The following RAI1 variants were observed in gnomAD, a reference collection of about 807,000 sequenced individuals.
RAI1 encodes the protein retinoic acid induced 1.
In RAI1, 9 loss-of-function variants were observed where a neutral mutation model predicts 123.8. The ratio of observed to expected loss-of-function variants is 0.07; its 90% CI spans 0.04 to 0.13. RAI1 has a LOEUF of 0.13. Ranked by LOEUF, RAI1 falls within the 10% of genes least tolerant of loss-of-function variation. RAI1 has a pLI of 1.00. For missense variants in RAI1, 2,256 were observed against 2,545.8 expected, an observed-to-expected ratio of 0.89 and a Z score of 2.45; for synonymous variants, 1,231 against 1,127.3, an observed-to-expected ratio of 1.09 and a Z score of -1.84.
rs1376924383 is a variant in RAI1 at position 17,810,647 on chromosome 17, C to T, written c.*666C>T. The T allele has an allele frequency of 5.8e-6, 2 of 343,932 alleles. No homozygotes were observed. Among genetic ancestry groups the T allele is most frequent in the East Asian group, 8.9e-5 (1 of 11,208 alleles). The allele number at this position is 343,932 out of a possible 1,614,324, so 21.3% of individuals were successfully genotyped here. ...CGGTTCGGGCAAAGCCGGGGTAGAC[C>T]TGGGCTATGCTCAGTTAGGGGTTGC... On this transcript the variant is annotated 3_prime_UTR_variant, in exon 6 of 6. Coordinates refer to ENST00000353383, the MANE Select transcript of RAI1 (RefSeq NM_030665.4). This position sits in a 1 kb window ranked among gnomAD's most constrained non-coding sequence, Gnocchi z 4.6.
intron 2 of RAI1, among the ~76,000 whole-genome samples, chr17:17,725,753 A>G (rs1916067995): frequency 6.6e-6 from 1 of 152,066 alleles, no homozygotes; most frequent in South Asian, 2.1e-4. Context: ...TTCCTGGGGT[A>G]GAGAGCCAGG....
chr17:17,753,762 C>T (rs1472098019), intron 2 of RAI1, among the ~76,000 whole-genome samples: 3 of 152,204 alleles, frequency 2.0e-5, no homozygotes, highest in Admixed American at 6.5e-5. Context: ...AATGGAATGA[C>T]AGATATCTGT....
At chr17:17,706,375 C>T (rs1915395544) in intron 1 of RAI1, among the ~76,000 whole-genome samples, 1 of 152,182 alleles carries the variant, frequency 6.6e-6, no homozygotes, top group Non-Finnish European at 1.5e-5. Flanking sequence ...CAGTGCTCTG[C>T]ACTGAATGAT....
chr17:17,787,470 T>C (rs956262648), intron 2 of RAI1, among the ~76,000 whole-genome samples: 2 of 152,078 alleles, frequency 1.3e-5, no homozygotes, highest in Admixed American at 6.5e-5. Flanking sequence ...AAAAAAAAAA[T>C]TATTGTCCAC....
rs1915650768 is a variant in RAI1, at chr17:17,714,338, C to G, written c.-148-9690C>G. Among the ~76,000 whole-genome samples the G allele has an allele frequency of 1.3e-5, 2 of 152,160 alleles. No individual in the cohort carries two copies. Among genetic ancestry groups the G allele is most frequent in the South Asian group, 2.1e-4 (1 of 4,800 alleles). On this transcript the variant is annotated intron_variant, in intron 1 of 5. Transcript: ENST00000353383. The surrounding 1 kb of genome is among the most constrained non-coding windows in gnomAD (Gnocchi z 4.9). ...GTCGGTGGTCATTCAGCTCTCGGGA[C>G]AAAGCGTGGGTGGGCCTGTGCCCTG...
At chr17:17,791,124 C>A (rs543280393) in intron 2 of RAI1, among the ~76,000 whole-genome samples, 1 of 152,112 alleles carries the variant, frequency 6.6e-6, no homozygotes, top group Non-Finnish European at 1.5e-5. Flanking sequence ...GGGCTCGCCT[C>A]GTGGGAAAGT....
intron 1 of RAI1, among the ~76,000 whole-genome samples, chr17:17,723,363 A>T (rs1807211486): frequency 7.8e-6 from 1 of 128,176 alleles, no homozygotes; most frequent in Non-Finnish European, 1.6e-5. Context: ...GCCCCGTGAC[A>T]TTCACTCGTA....
intron 2 of RAI1, among the ~76,000 whole-genome samples, chr17:17,790,325 G>A (rs147121279): frequency 6.6e-6 from 1 of 152,208 alleles, no homozygotes; most frequent in Non-Finnish European, 1.5e-5. Context: ...CCAGGGTGGT[G>A]TTGGGGCGAG....
intron 2 of RAI1, among the ~76,000 whole-genome samples, chr17:17,738,796 C>A (rs895071368): frequency 6.6e-6 from 1 of 152,198 alleles, no homozygotes; most frequent in African/African-American, 2.4e-5. Context: ...TGTCAGTCTT[C>A]TCCATCTGGG....
rs2032127520 is a variant in RAI1, at chr17:17,793,938, C to G, written c.990C>G (p.Thr330=). 6.2e-7 allele frequency: 1 copy of G among 1,613,930 alleles called. No individual in the cohort carries two copies. The highest frequency in any genetic ancestry group is 1.3e-5 in the African/African-American group (1 of 75,040). The change falls in exon 3 of 6, where the codon ACC becomes ACG. Residue 330 remains threonine (T), a synonymous_variant. Coordinates refer to ENST00000353383, the MANE Select transcript of RAI1 (RefSeq NM_030665.4). ...GYCQPDAAVR[T]PEQYYQTFSP... is the part of the protein sequence containing the mutation. Reference sequence around the variant, plus strand: ...GCCAGCCGGACGCAGCCGTCCGGACCCCAGAGCAGTACTACCAGACCTTCA... The same window carrying G: ...GCCAGCCGGACGCAGCCGTCCGGACGCCAGAGCAGTACTACCAGACCTTCA...
chr17:17,795,031 G>T lies in RAI1; in HGVS notation c.2083G>T (p.Ala695Ser), dbSNP rs201917434. ...GTTTGAAGACCCTTCCGTGGCCTTCGCTACGCCTGACCCCAAAAAGACAAC... is the reference window on the plus strand; with the variant it reads ...GTTTGAAGACCCTTCCGTGGCCTTCTCTACGCCTGACCCCAAAAAGACAAC... ...GLFEDPSVAF[A>S]TPDPKKTTGP... Residue 695 changes from alanine (A) to serine (S), a missense_variant, in exon 3 of 6, where the codon GCT becomes TCT. Transcript: ENST00000353383. This position sits in a 1 kb window ranked among gnomAD's most constrained non-coding sequence, Gnocchi z 5.9. 1 of 1,613,992 alleles carries T rather than the reference G, an allele frequency of 6.2e-7. No individual in the cohort carries two copies. Among genetic ancestry groups the T allele is most frequent in the African/African-American group, 1.3e-5 (1 of 74,924 alleles).
chr17:17,783,582 C>T (rs1450753540), intron 2 of RAI1, among the ~76,000 whole-genome samples: 2 of 152,192 alleles, frequency 1.3e-5, no homozygotes, highest in Non-Finnish European at 2.9e-5. Context: ...CTGCGCTGCT[C>T]CCCGTCCCCC....
chr17:17,734,761 GACAC>G (rs988939557), intron 2 of RAI1, among the ~76,000 whole-genome samples: 3 of 152,156 alleles, frequency 2.0e-5, no homozygotes, highest in South Asian at 2.1e-4. Flanking sequence ...GAGCTCCTTG[GACAC>G]ACACAGGGGC....
At chr17:17,790,071 C>A (rs1007331396) in intron 2 of RAI1, among the ~76,000 whole-genome samples, 1 of 152,200 alleles carries the variant, frequency 6.6e-6, no homozygotes, top group Non-Finnish European at 1.5e-5. Flanking sequence ...TCTCCTGAGG[C>A]CTGCCCAGCC....
chr17:17,802,251 C>T (rs1482068757), intron 3 of RAI1: 2 of 455,414 alleles, frequency 4.4e-6, no homozygotes, highest in Admixed American at 2.4e-5. Context: ...TGAAGTCAGC[C>T]ATCTCAAGGG....
intron 1 of RAI1, among the ~76,000 whole-genome samples, chr17:17,705,223 G>A (rs1915356270): frequency 6.6e-6 from 1 of 152,186 alleles, no homozygotes; most frequent in Non-Finnish European, 1.5e-5. Flanking sequence ...CCATGGAGGA[G>A]ACCCGTCAAA....
rs1024658300 is a variant in RAI1 at position 17,797,636 on chromosome 17, A to G, written c.4688A>G (p.Gln1563Arg). 6.2e-7 allele frequency: 1 copy of G among 1,613,796 alleles called. No individual in the cohort carries two copies. The highest frequency in any genetic ancestry group is 8.5e-7 in the Non-Finnish European group (1 of 1,180,034). The stretch of plus-strand genomic sequence containing the variant: ...GGGCGTGCCAAGCGACGACGACAGC[A>G]GCAGGTGCTGCCCCTGGATCCCGCA... ...CKGRAKRRRQQQVLPLDPAEP... is the reference protein window; with the variant it reads ...CKGRAKRRRQRQVLPLDPAEP... Residue 1563 changes from glutamine to arginine, a missense_variant, in exon 3 of 6, where the codon CAG (glutamine) becomes CGG (arginine). This residue lies in a region of RAI1 where 410 missense variants were observed against 374.6 expected (regional missense o/e 1.09). Transcript: ENST00000353383.
chr17:17,728,390 C>T (rs928312142), intron 2 of RAI1, among the ~76,000 whole-genome samples: 2 of 152,128 alleles, frequency 1.3e-5, no homozygotes, highest in African/African-American at 4.8e-5. Context: ...ATGATCCGCA[C>T]GTTAATTAAA....
chr17:17,760,424 G>A (rs540351433), intron 2 of RAI1, among the ~76,000 whole-genome samples: 1 of 152,238 alleles, frequency 6.6e-6, no homozygotes, highest in Admixed American at 6.5e-5. Context: ...CACCCAGACT[G>A]TACCCAGAAG....
Sources: gnomAD v4.1 joint callset for allele counts (sites outside exome capture counted in the v4.1 genomes callset) on GRCh38, gnomAD v4.1.1 for gene constraint, gnomAD v4.1.1 regional missense constraint, Gnocchi (gnomAD v3.1) non-coding constraint, MANE v1.5 for transcripts, NCBI Gene and HGNC (gene_info 2026-07-23, HGNC 2026-07-21) for gene names.